The following CDIP1 variants were observed in gnomAD, a reference collection of about 807,000 sequenced individuals.
CDIP1 encodes cell death-inducing p53-target protein 1.
In CDIP1, 9 loss-of-function variants were observed where a neutral mutation model predicts 17.7. That is an observed-to-expected ratio of 0.51 (90% confidence interval 0.31 to 0.89). The LOEUF (loss-of-function observed/expected upper bound fraction) is 0.89. Among genes scored for constraint, CDIP1 ranks in the 40% least tolerant of loss-of-function variants. The probability of loss-of-function intolerance (pLI) is 0.05; values close to 1 mark genes in which losing one functional copy is unlikely to be tolerated. For synonymous variants in CDIP1, 117 were observed against 109.5 expected, an observed-to-expected ratio of 1.07 and a Z score of -0.43; for missense variants, 263 against 277.9, an observed-to-expected ratio of 0.95 and a Z score of 0.38.
chr16:4,521,050 TA>T (rs1162799329), intron 1 of CDIP1, among the ~76,000 whole-genome samples: 1 of 152,012 alleles, frequency 6.6e-6, no homozygotes, highest in Non-Finnish European at 1.5e-5. Flanking sequence ...CAGGACTTAA[TA>T]AAGTTGATTT....
At chr16:4,537,305 T>C (rs1471918385) in intron 1 of CDIP1, among the ~76,000 whole-genome samples, 1 of 152,186 alleles carries the variant, frequency 6.6e-6, no homozygotes, top group Non-Finnish European at 1.5e-5. Context: ...CCTTCAACTT[T>C]TGTATGTTTC....
chr16:4,519,513 T>C (rs1296202162), intron 1 of CDIP1, among the ~76,000 whole-genome samples: 1 of 152,226 alleles, frequency 6.6e-6, no homozygotes, highest in African/African-American at 2.4e-5. Context: ...AGCTAGTCTT[T>C]TGTGGGTGCC....
rs879269187 is a variant in CDIP1 at position 4,512,308 on chromosome 16, G to C, written c.*264C>G. 2 of 554,090 alleles carry C rather than the reference G, an allele frequency of 3.6e-6. No homozygotes were observed. Among genetic ancestry groups the C allele is most frequent in the East Asian group, 6.2e-5 (2 of 32,418 alleles). The allele number at this position is 554,090 out of a possible 1,614,324, so 34.3% of individuals were successfully genotyped here. ...GAGACCCCTCCCAGCTTATCTTCCCGATCACACACACCAAGCAGACCAACA... is the reference window on the plus strand; with the variant it reads ...GAGACCCCTCCCAGCTTATCTTCCCCATCACACACACCAAGCAGACCAACA... On this transcript the variant is annotated 3_prime_UTR_variant, in exon 6 of 6. Transcript: ENST00000567695. This position sits in a 1 kb window ranked among gnomAD's most constrained non-coding sequence, Gnocchi z 4.6.
chr16:4,527,639 T>G (rs933009968), intron 1 of CDIP1, among the ~76,000 whole-genome samples: 1 of 152,194 alleles, frequency 6.6e-6, no homozygotes, highest in African/African-American at 2.4e-5. Flanking sequence ...TACACTCTTA[T>G]GGACTCAATT....
In CDIP1 at chr16:4,511,120, C is replaced by T. The variant is rs1567409623; in HGVS notation, c.*1452G>A. 6.6e-6 allele frequency: 1 copy of T among 152,252 alleles called. No homozygotes were observed. Among genetic ancestry groups the T allele is most frequent in the Non-Finnish European group, 1.5e-5 (1 of 68,078 alleles). 9.4% of individuals were successfully genotyped at this position (152,252 alleles called of 1,614,324 possible). A position where few individuals can be genotyped will look rare whatever the true frequency, so the allele number is the denominator to read the frequency against. The stretch of plus-strand genomic sequence containing the variant: ...CCCTGGCCCAGTCACAGCTGGAAAT[C>T]CCAGGGCTGGTCTACACCCGACTCT... On this transcript the variant is annotated 3_prime_UTR_variant, in exon 6 of 6. Coordinates refer to ENST00000567695, the MANE Select transcript of CDIP1 (RefSeq NM_013399.3).
chr16:4,534,767 G>A (rs2059090629), intron 1 of CDIP1, among the ~76,000 whole-genome samples: 1 of 148,874 alleles, frequency 6.7e-6, no homozygotes, highest in African/African-American at 2.5e-5. Context: ...CACCCAGGCT[G>A]GAGTGCAGTG....
At chr16:4,533,788 G>A (rs904959568) in intron 1 of CDIP1, 1 of 147,126 alleles carries the variant, frequency 6.8e-6, no homozygotes, top group African/African-American at 2.5e-5. Flanking sequence ...GGGCCTTCCT[G>A]AGGATTCTGC....
Position 4,512,510 on chromosome 16 carries a change from C to T in CDIP1, c.*62G>A, listed in dbSNP as rs754068760. On this transcript the variant is annotated 3_prime_UTR_variant, in exon 6 of 6. Transcript: ENST00000567695. This position sits in a 1 kb window ranked among gnomAD's most constrained non-coding sequence, Gnocchi z 4.6. ...TGGGAGCGGGAAAGTGACCACTGAG[C>T]ACAGGGAGCAAAGCACAGGGGGCCA... 16 of 1,217,564 alleles carry T rather than the reference C, an allele frequency of 1.3e-5. No homozygotes were observed. The highest frequency in any genetic ancestry group is 1.6e-5 in the Non-Finnish European group (13 of 821,348). 75.4% of individuals were successfully genotyped at this position (1,217,564 alleles called of 1,614,324 possible).
rs545925585 is a variant in CDIP1, at chr16:4,510,742, C to A, written c.*1830G>T. Reference sequence around the variant, plus strand: ...AATTTTATTAATAGGAATCTACTACCTGTAAAAGTTTTATTTCAAAAAGGG... The same window carrying A: ...AATTTTATTAATAGGAATCTACTACATGTAAAAGTTTTATTTCAAAAAGGG... On this transcript the variant is annotated 3_prime_UTR_variant, in exon 6 of 6. Coordinates refer to ENST00000567695, the MANE Select transcript of CDIP1 (RefSeq NM_013399.3). 2.0e-5 allele frequency: 3 copies of A among 152,174 alleles called. No homozygotes were observed. In the East Asian group the frequency reaches 5.8e-4, roughly 29 times the overall value. The allele number at this position is 152,174 out of a possible 1,614,324, so 9.4% of individuals were successfully genotyped here.
chr16:4,526,504 C>G (rs1430694573), intron 1 of CDIP1, among the ~76,000 whole-genome samples: 1 of 151,812 alleles, frequency 6.6e-6, no homozygotes, highest in African/African-American at 2.4e-5. Context: ...TTGAGGCCAT[C>G]CTGGCTAACA....
At chr16:4,518,557 C>T (rs1411878592) in intron 1 of CDIP1, among the ~76,000 whole-genome samples, 1 of 152,198 alleles carries the variant, frequency 6.6e-6, no homozygotes, top group Admixed American at 6.5e-5. Flanking sequence ...CTCACCCCTC[C>T]ATATCCACAT....
intron 1 of CDIP1, among the ~76,000 whole-genome samples, chr16:4,525,710 C>G (rs1427847469): frequency 3.3e-5 from 5 of 152,196 alleles, no homozygotes; most frequent in Non-Finnish European, 1.5e-5. Flanking sequence ...CCACAAAGGT[C>G]CACTCAGTTG....
chr16:4,527,748 T>C (rs2059014561), intron 1 of CDIP1, among the ~76,000 whole-genome samples: 2 of 152,174 alleles, frequency 1.3e-5, no homozygotes, highest in African/African-American at 4.8e-5. Context: ...TTCAAGAAAA[T>C]GGAACTGGTT....
At chr16:4,518,570 G>A (rs1281630970) in intron 1 of CDIP1, among the ~76,000 whole-genome samples, 3 of 152,124 alleles carry the variant, frequency 2.0e-5, no homozygotes, top group East Asian at 1.9e-4. Context: ...ATCCACATGC[G>A]TCCTCCTGCT....
chr16:4,535,618 CAGAG>C (rs1313790274), intron 1 of CDIP1, among the ~76,000 whole-genome samples: 2 of 152,258 alleles, frequency 1.3e-5, no homozygotes, highest in Non-Finnish European at 2.9e-5. Flanking sequence ...TTCAACATGA[CAGAG>C]AGGTCTCCAC....
intron 1 of CDIP1, among the ~76,000 whole-genome samples, chr16:4,518,946 G>A (rs1328150735): frequency 6.6e-6 from 1 of 152,198 alleles, no homozygotes; most frequent in Non-Finnish European, 1.5e-5. Flanking sequence ...CCCAACAGAG[G>A]AGGAAGGGGA....
chr16:4,517,243 T>A (rs1376253797), intron 1 of CDIP1, among the ~76,000 whole-genome samples: 1 of 152,238 alleles, frequency 6.6e-6, no homozygotes, highest in Non-Finnish European at 1.5e-5. Flanking sequence ...CACTTATTTT[T>A]ATATGCATTT....
In CDIP1 at chr16:4,535,820, C is replaced by T. The variant is rs756818180; in HGVS notation, c.-105+2882G>A. ...CTGGCCCAGGCCCTAGGCGCCTCCA[C>T]CTCTGCTGCACTGTATTGCAAGGTA... On this transcript the variant is annotated intron_variant, in intron 1 of 5. Transcript: ENST00000567695. 6.4e-4 allele frequency among the ~76,000 whole-genome samples: 97 copies of T among 152,256 alleles called. 1 individual carries two copies. The highest frequency in any genetic ancestry group is 1.0e-3 in the Non-Finnish European group (70 of 68,042).
At chr16:4,520,083 G>A (rs889974662) in intron 1 of CDIP1, among the ~76,000 whole-genome samples, 15 of 151,426 alleles carry the variant, frequency 9.9e-5, no homozygotes, top group Non-Finnish European at 7.4e-5. Flanking sequence ...AAGCACAATG[G>A]ACTAATACTA....
Sources: gnomAD v4.1 joint callset for allele counts (sites outside exome capture counted in the v4.1 genomes callset) on GRCh38, gnomAD v4.1.1 for gene constraint, Gnocchi (gnomAD v3.1) non-coding constraint, MANE v1.5 for transcripts, NCBI Gene and HGNC (gene_info 2026-07-23, HGNC 2026-07-21) for gene names.